The following MINPP1 variants were observed in gnomAD, a reference collection of about 807,000 sequenced individuals.
MINPP1 encodes multiple inositol polyphosphate phosphatase 1.
MINPP1 carries 28 observed loss-of-function variants against 46.1 expected under a neutral mutation model. That is an observed-to-expected ratio of 0.61 (90% CI 0.45 to 0.83). The LOEUF (loss-of-function observed/expected upper bound fraction) is 0.83, where lower values mean the gene tolerates loss of function less well. MINPP1 is among the 40% of genes least tolerant of loss of function. The probability of loss-of-function intolerance (pLI) is 0.00; values close to 1 mark genes in which losing one functional copy is unlikely to be tolerated. For synonymous variants in MINPP1, 268 were observed against 249.1 expected, an observed-to-expected ratio of 1.08 and a Z score of -0.72; for missense variants, 603 against 610.0, an observed-to-expected ratio of 0.99 and a Z score of 0.12.
At chr10:87,508,612 A>T in intron 2 of MINPP1, 79 bp downstream of exon 2, 2 of 1,396,888 alleles carry the variant, frequency 1.4e-6, no homozygotes, top group Non-Finnish European at 2.0e-6. Flanking sequence ...ATAAGGAAAC[A>T]GTCTTTTTTA....
intron 2 of MINPP1, among the ~76,000 whole-genome samples, chr10:87,509,035 G>A (rs950233029): frequency 6.6e-6 from 1 of 152,170 alleles, no homozygotes. Flanking sequence ...ATAAGTTATT[G>A]CAGTGGATGG....
rs571397620 is a variant in MINPP1, at chr10:87,513,140, C to A, written c.852C>A (p.Ala284=). The stretch of plus-strand genomic sequence containing the variant: ...TCCCCCCAGATTTAATTCAAGTAGC[C>A]TTTTTCACCTGTTCATTTGACCTGG... The part of the protein sequence containing the change: ...NDLNADLIQV[A]FFTCSFDLAI... Residue 284 remains alanine, a synonymous_variant, in exon 3 of 5, where the codon GCC becomes GCA. Transcript: ENST00000371996. The A allele has an allele frequency of 3.1e-6, 5 of 1,613,544 alleles. No individual in the cohort carries two copies. The South Asian group carries it at 5.5e-5, about 18-fold the overall frequency.
At position 87,505,415 on chromosome 10, in the gene MINPP1, C is replaced by T; in HGVS notation, c.500C>T (p.Ala167Val). Residue 167 changes from alanine to valine, a missense_variant, in exon 1 of 5, where the codon GCC (alanine) becomes GTC (valine). Physicochemically the swap from Ala to Val is moderately conservative, Grantham distance 64. Transcript: ENST00000371996. This position sits in a 1 kb window ranked among gnomAD's most constrained non-coding sequence, Gnocchi z 4.4. ...LALRLASLFP[A>V]LFSRENYGRL... ...CTGCGTCTGGCCTCGCTCTTCCCGG[C>T]CCTTTTCAGCCGTGAGAACTACGGC... 6.2e-7 allele frequency: 1 copy of T among 1,613,856 alleles called. No homozygotes were observed. Among genetic ancestry groups the T allele is most frequent in the Non-Finnish European group, 8.5e-7 (1 of 1,179,916 alleles).
At position 87,551,393 on chromosome 10, in the gene MINPP1, C is replaced by T. The variant is rs530612288; in HGVS notation, c.1068-689C>T. On this transcript the variant is annotated intron_variant, in intron 4 of 4. Transcript: ENST00000371996. ...AAGGCTAAGCAGTCATTCACTGCTT[C>T]TTAATAAAAATTCTTTACCAGAAAA... is the stretch of plus-strand genomic sequence containing the variant. 3.1e-3 allele frequency among the ~76,000 whole-genome samples: 476 copies of T among 151,912 alleles called. 2 individuals carry two copies. The highest frequency in any genetic ancestry group is 5.3e-3 in the Non-Finnish European group (360 of 67,954).
At chr10:87,537,511 T>TCTGTGTGTGTGTGTGTG (rs113605763) in intron 4 of MINPP1, among the ~76,000 whole-genome samples, 4 of 85,106 alleles carry the variant, frequency 4.7e-5, no homozygotes, top group African/African-American at 1.2e-4. Flanking sequence ...TTATTACTGT[T>TCTGTGTGTGTGTGTGTG]TGTGTGTGTG....
At position 87,552,619 on chromosome 10, in the gene MINPP1, C is replaced by G. The variant is rs1446572812; in HGVS notation, c.*141C>G. 4.6e-6 allele frequency: 4 copies of G among 863,970 alleles called. No homozygotes were observed. Among genetic ancestry groups the G allele is most frequent in the Non-Finnish European group, 7.2e-6 (4 of 557,684 alleles). The allele number at this position is 863,970 out of a possible 1,614,324, so 53.5% of individuals were successfully genotyped here. A position where few individuals can be genotyped will look rare whatever the true frequency, so the allele number is the denominator to read the frequency against. On this transcript the variant is annotated 3_prime_UTR_variant, in exon 5 of 5. Transcript: ENST00000371996. ...CTTTTCACAGAAAAACATTGGGTTT[C>G]TCTCTGGGTTTGGACATGAAATGTA...
chr10:87,515,771 C>T (rs1169657755), intron 3 of MINPP1, among the ~76,000 whole-genome samples: 3 of 147,980 alleles, frequency 2.0e-5, no homozygotes, highest in Non-Finnish European at 3.0e-5. Flanking sequence ...CACAGAGGTT[C>T]GTTATACTAC....
intron 4 of MINPP1, among the ~76,000 whole-genome samples, chr10:87,525,069 C>T (rs940955010): frequency 6.6e-6 from 1 of 152,168 alleles, no homozygotes; most frequent in African/African-American, 2.4e-5. Context: ...TTGCCACAAA[C>T]CTTCCATTTG....
At chr10:87,548,001 C>A (rs1215856487) in intron 4 of MINPP1, among the ~76,000 whole-genome samples, 1 of 152,112 alleles carries the variant, frequency 6.6e-6, no homozygotes. Context: ...AGTCATTTGC[C>A]CTAAAATTTG....
chr10:87,547,285 G>C (rs550705850), intron 4 of MINPP1, among the ~76,000 whole-genome samples: 43 of 152,098 alleles, frequency 2.8e-4, no homozygotes, highest in Admixed American at 5.2e-4. Flanking sequence ...TAGTTTTTTT[G>C]TATATTTGAT....
chr10:87,507,816 A>G lies in MINPP1; in HGVS notation c.638-520A>G, dbSNP rs997079321. 1.2e-5 allele frequency: 12 copies of G among 1,022,912 alleles called. No homozygotes were observed. In the African/African-American group the frequency reaches 1.4e-4, roughly 12 times the overall value. 63.4% of individuals were successfully genotyped at this position (1,022,912 alleles called of 1,614,324 possible). Reference sequence around the variant, plus strand: ...CAGGCCCAGCACAGTGAAGCACAGGAGACCCAAAACATCAGTGCGTTTTGT... The same window carrying G: ...CAGGCCCAGCACAGTGAAGCACAGGGGACCCAAAACATCAGTGCGTTTTGT... On this transcript the variant is annotated intron_variant, in intron 1 of 4. Coordinates refer to ENST00000371996, the MANE Select transcript of MINPP1 (RefSeq NM_004897.5).
chr10:87,520,076 G>GTGTGTGTGTGTGTGTGTA (rs1851478295), intron 3 of MINPP1, among the ~76,000 whole-genome samples: 1 of 151,896 alleles, frequency 6.6e-6, no homozygotes, highest in Non-Finnish European at 1.5e-5. Context: ...GTGTGTGTGT[G>GTGTGTGTGTGTGTGTGTA]TGTTGGTAAT....
At chr10:87,509,026 T>C (rs531144588) in intron 2 of MINPP1, among the ~76,000 whole-genome samples, 1 of 152,304 alleles carries the variant, frequency 6.6e-6, no homozygotes, top group African/African-American at 2.4e-5. Flanking sequence ...ATGTCTATCA[T>C]AAGTTATTGC....
chr10:87,521,007 T>C (rs1243461899), intron 3 of MINPP1, 29 bp from the exon 4 acceptor site: 3 of 816,410 alleles, frequency 3.7e-6, no homozygotes, highest in Non-Finnish European at 6.1e-6. Context: ...TTTGAAAATA[T>C]ATTAGAAATT....
At chr10:87,520,006 C>T (rs981937033) in intron 3 of MINPP1, among the ~76,000 whole-genome samples, 8 of 149,066 alleles carry the variant, frequency 5.4e-5, no homozygotes, top group East Asian at 2.0e-4. Context: ...GGTTTCAAAC[C>T]GTTTTCTATA....
chr10:87,529,751 G>T (rs969065385), intron 4 of MINPP1, among the ~76,000 whole-genome samples: 5 of 152,184 alleles, frequency 3.3e-5, no homozygotes, highest in Admixed American at 6.5e-5. Context: ...GTGTTGGCCT[G>T]CCTTGCTAGG....
At position 87,508,318 on chromosome 10, in the gene MINPP1, A is replaced by C. The variant is rs776720909; in HGVS notation, c.638-18A>C. 2 of 1,610,342 alleles carry C rather than the reference A, an allele frequency of 1.2e-6. No individual in the cohort carries two copies. The highest frequency in any genetic ancestry group is 2.2e-5 in the East Asian group (1 of 44,788). ...TGTCAGTGATTTACAAATACATATA[A>C]ATTTTTTTCTCTTTCAGATATGGAG... On this transcript the variant is annotated intron_variant, in intron 1 of 4. Transcript: ENST00000371996.
Position 87,552,912 on chromosome 10 carries a change from G to C in MINPP1, c.*434G>C, listed in dbSNP as rs1851985339. On this transcript the variant is annotated 3_prime_UTR_variant, in exon 5 of 5. Transcript: ENST00000371996. Reference sequence around the variant, plus strand: ...TCTCTTCTTTTCCTCAGGTAGGACAGCTCTAGCATTTTCTTAATCAGGAAT... The same window carrying C: ...TCTCTTCTTTTCCTCAGGTAGGACACCTCTAGCATTTTCTTAATCAGGAAT... 6.2e-6 allele frequency: 1 copy of C among 161,548 alleles called. No homozygotes were observed. The highest frequency in any genetic ancestry group is 2.4e-5 in the African/African-American group (1 of 41,530). The allele number at this position is 161,548 out of a possible 1,614,324, so 10.0% of individuals were successfully genotyped here.
At position 87,521,078 on chromosome 10, in the gene MINPP1, G is replaced by A. The variant is rs779605197; in HGVS notation, c.976G>A (p.Gly326Arg). ...LNDLKQYWKR[G>R]YGYTINSRSS... is the part of the protein sequence containing the mutation. ...TGATCTGAAACAATATTGGAAAAGA[G>A]GATATGGGTATACTATTAACAGTCG... Residue 326 changes from glycine to arginine, a missense_variant, in exon 4 of 5, where the codon GGA (glycine) becomes AGA (arginine). This residue lies in a region of MINPP1 where 344 missense variants were observed against 381.1 expected (regional missense o/e 0.90). Transcript: ENST00000371996. 1.5e-6 allele frequency: 2 copies of A among 1,359,612 alleles called. No homozygotes were observed. Among genetic ancestry groups the A allele is most frequent in the Non-Finnish European group, 2.1e-6 (2 of 949,930 alleles). The allele number at this position is 1,359,612 out of a possible 1,614,324, so 84.2% of individuals were successfully genotyped here.
Sources: gnomAD v4.1 joint callset for allele counts (sites outside exome capture counted in the v4.1 genomes callset) on GRCh38, gnomAD v4.1.1 for gene constraint, gnomAD v4.1.1 regional missense constraint, Gnocchi (gnomAD v3.1) non-coding constraint, MANE v1.5 for transcripts, NCBI Gene and HGNC (gene_info 2026-07-23, HGNC 2026-07-21) for gene names.